The following TNR variants were observed in gnomAD, a reference collection of about 807,000 sequenced individuals.
TNR encodes the protein tenascin R, also known as tenascin-R.
A neutral mutation model predicts 150.4 loss-of-function variants in TNR; 45 were observed. That is an observed-to-expected ratio of 0.30 (90% confidence interval 0.24 to 0.38). The LOEUF (loss-of-function observed/expected upper bound fraction) is 0.38, where lower values mean the gene tolerates loss of function less well. TNR is among the 10% of genes least tolerant of loss of function. The pLI is 1.00. For synonymous variants in TNR, 687 were observed against 678.4 expected, an observed-to-expected ratio of 1.01 and a Z score of -0.20; for missense variants, 1,544 against 1,759.1, an observed-to-expected ratio of 0.88 and a Z score of 2.19.
At chr1:175,625,993 G>A (rs12032298) in intron 1 of TNR, among the ~76,000 whole-genome samples, 1 of 151,870 alleles carries the variant, frequency 6.6e-6, no homozygotes, top group East Asian at 1.9e-4. Flanking sequence ...GAATCATGGG[G>A]GCCTGTCTTT....
chr1:175,694,976 A>G (rs1571760241), intron 1 of TNR, among the ~76,000 whole-genome samples: 1 of 152,224 alleles, frequency 6.6e-6, no homozygotes, highest in Non-Finnish European at 1.5e-5. Context: ...CAACAAAGCT[A>G]TAACGTCCTC....
At chr1:175,391,095 G>A (rs1653144886) in intron 7 of TNR, among the ~76,000 whole-genome samples, 193 bp downstream of exon 7, 1 of 152,334 alleles carries the variant, frequency 6.6e-6, no homozygotes, top group East Asian at 1.9e-4. Flanking sequence ...GACAGTATTT[G>A]TAAGGATGAG....
intron 9 of TNR, among the ~76,000 whole-genome samples, chr1:175,373,791 C>A (rs998007238): frequency 6.6e-6 from 1 of 152,216 alleles, no homozygotes; most frequent in African/African-American, 2.4e-5. Flanking sequence ...GCTTTTCCCC[C>A]AGCCCCCTTA....
intron 1 of TNR, among the ~76,000 whole-genome samples, chr1:175,588,815 A>G (rs1042651095): frequency 6.6e-6 from 1 of 152,204 alleles, no homozygotes; most frequent in Non-Finnish European, 1.5e-5. Flanking sequence ...AGTTCATGAG[A>G]GTAGAGATAA....
intron 1 of TNR, among the ~76,000 whole-genome samples, chr1:175,695,914 A>C (rs1260520495): frequency 6.6e-6 from 1 of 152,200 alleles, no homozygotes; most frequent in Non-Finnish European, 1.5e-5. Flanking sequence ...TGCCTATACA[A>C]TATAGTCATT....
intron 21 of TNR, among the ~76,000 whole-genome samples, chr1:175,328,275 C>A (rs544238810): frequency 2.6e-5 from 4 of 152,204 alleles, no homozygotes; most frequent in South Asian, 4.1e-4. Flanking sequence ...AGGAGCTGCT[C>A]AACAACCTCT....
chr1:175,383,995 G>C (rs1652804928), intron 8 of TNR, among the ~76,000 whole-genome samples: 1 of 152,168 alleles, frequency 6.6e-6, no homozygotes, highest in Non-Finnish European at 1.5e-5. Context: ...GGAGCTCCTA[G>C]GAGGCAGAAT....
chr1:175,318,202 G>A lies in TNR; in HGVS notation c.*5155C>T, dbSNP rs1227425545. On this transcript the variant is annotated 3_prime_UTR_variant, in exon 23 of 23. Coordinates refer to ENST00000367674, the MANE Select transcript of TNR (RefSeq NM_003285.3). ...TGGCAGAAGCTCTGGTGGGAGGCTG[G>A]AGGCCAGAACGTGAGAAGCCAATGC... 1.3e-5 allele frequency: 2 copies of A among 152,208 alleles called. No individual in the cohort carries two copies. The highest frequency in any genetic ancestry group is 4.8e-5 in the African/African-American group (2 of 41,450). 9.4% of individuals were successfully genotyped at this position (152,208 alleles called of 1,614,324 possible). A position where few individuals can be genotyped will look rare whatever the true frequency, so the allele number is the denominator to read the frequency against.
intron 12 of TNR, 76 bp downstream of exon 12, chr1:175,364,934 T>C: frequency 6.6e-7 from 1 of 1,506,574 alleles, no homozygotes; most frequent in Non-Finnish European, 8.9e-7. Flanking sequence ...TCTTTCTCTT[T>C]TAAAATTTCA....
intron 1 of TNR, among the ~76,000 whole-genome samples, chr1:175,575,847 A>C (rs891557692): frequency 6.6e-6 from 1 of 152,190 alleles, no homozygotes; most frequent in East Asian, 1.9e-4. Flanking sequence ...TGGGGACTGC[A>C]CTGCTAAGTT....
intron 1 of TNR, among the ~76,000 whole-genome samples, chr1:175,564,353 G>A (rs547820584): frequency 6.6e-6 from 1 of 152,340 alleles, no homozygotes; most frequent in Admixed American, 6.5e-5. Context: ...TTAGCATTCA[G>A]TTGTTATGCT....
intron 2 of TNR, among the ~76,000 whole-genome samples, chr1:175,527,684 T>A (rs966568304): frequency 6.6e-6 from 1 of 152,188 alleles, no homozygotes; most frequent in Non-Finnish European, 1.5e-5. Flanking sequence ...AAGAGCCTTC[T>A]CCTGTGGACC....
chr1:175,658,939 G>C (rs1382399595), intron 1 of TNR, among the ~76,000 whole-genome samples: 1 of 152,222 alleles, frequency 6.6e-6, no homozygotes, highest in Non-Finnish European at 1.5e-5. Context: ...CTCCTGAGTT[G>C]AGCTAGACCA....
chr1:175,480,462 GA>G (rs199546891), intron 2 of TNR, among the ~76,000 whole-genome samples: 1,826 of 136,902 alleles, frequency 0.013, 27 homozygotes, highest in African/African-American at 0.049. Context: ...AGAAAGAAAA[GA>G]AAAAAAGAAA....
chr1:175,336,105 C>G (rs938019786), intron 19 of TNR, among the ~76,000 whole-genome samples: 5 of 152,214 alleles, frequency 3.3e-5, no homozygotes, highest in African/African-American at 1.2e-4. Context: ...GGATACATAT[C>G]AAGCCCTAAA....
intron 8 of TNR, 118 bp downstream of exon 8, chr1:175,385,914 G>A: frequency 8.2e-7 from 1 of 1,218,378 alleles, no homozygotes; most frequent in Admixed American, 2.6e-5. Context: ...TCTATGACAA[G>A]GCCAATGCTC....
chr1:175,409,784 T>C (rs1557915779), intron 2 of TNR, among the ~76,000 whole-genome samples: 1 of 151,812 alleles, frequency 6.6e-6, no homozygotes, highest in Admixed American at 6.6e-5. Flanking sequence ...CATTCATTCA[T>C]TTGACAGATA....
chr1:175,423,770 G>GCT (rs1361312392), intron 2 of TNR, among the ~76,000 whole-genome samples: 6 of 152,134 alleles, frequency 3.9e-5, no homozygotes, highest in African/African-American at 7.2e-5. Flanking sequence ...GCGGAACTAG[G>GCT]GTGGATAAAG....
intron 1 of TNR, among the ~76,000 whole-genome samples, chr1:175,702,767 C>T (rs1666733393): frequency 6.6e-6 from 1 of 152,212 alleles, no homozygotes; most frequent in Non-Finnish European, 1.5e-5. Context: ...CATCTGGAGC[C>T]ATTAAATGTT....
Sources: allele counts gnomAD v4.1 joint callset (sites outside exome capture counted in the v4.1 genomes callset), GRCh38; gene constraint gnomAD v4.1.1; transcripts MANE v1.5; gene names NCBI Gene and HGNC (gene_info 2026-07-23, HGNC 2026-07-21).